CMTM4: variants seen among roughly 807,000 people sequenced by gnomAD.
CMTM4 encodes CKLF-like MARVEL transmembrane domain-containing protein 4.
A neutral mutation model predicts 19.0 loss-of-function variants in CMTM4; 8 were observed. That is an observed-to-expected ratio of 0.42 (90% CI 0.25 to 0.76). The LOEUF (loss-of-function observed/expected upper bound fraction) is 0.76. Among genes scored for constraint, CMTM4 ranks in the 30% least tolerant of loss-of-function variants. CMTM4 has a pLI of 0.27. For missense variants in CMTM4, 228 were observed against 290.2 expected (o/e 0.79, Z 1.56); for synonymous variants, 106 against 121.1 (o/e 0.88, Z 0.82).
chr16:66,605,047 C>T, the CMTM4 span: 43 of 1,173,902 alleles, frequency 3.7e-5, no homozygotes, highest in Admixed American at 7.6e-4. The surrounding 1 kb of genome is among the most constrained non-coding windows in gnomAD (Gnocchi z 4.6). Flanking sequence ...GGGGCGGCCG[C>T]CGTGCTCCGA....
At chr16:66,609,004 G>A in the CMTM4 span, among the ~76,000 whole-genome samples, 1 of 152,062 alleles carries the variant, frequency 6.6e-6, no homozygotes, top group East Asian at 1.9e-4. The surrounding 1 kb of genome is among the most constrained non-coding windows in gnomAD (Gnocchi z 4.4). Flanking sequence ...TGCACCCTCT[G>A]TGTCCCCATC....
At chr16:66,627,171 A>G (rs2015759272) in intron 2 of CMTM4, among the ~76,000 whole-genome samples, 1 of 152,236 alleles carries the variant, frequency 6.6e-6, no homozygotes, top group African/African-American at 2.4e-5. Flanking sequence ...AAAGTGCTCA[A>G]TAGGGGAGTT....
intron 1 of CMTM4, among the ~76,000 whole-genome samples, chr16:66,670,530 G>A (rs185691763): frequency 8.6e-5 from 13 of 151,394 alleles, no homozygotes; most frequent in Non-Finnish European, 1.6e-4. Context: ...AGCCAGGCAC[G>A]ATGGCTCACG....
At chr16:66,662,542 C>G (rs1689575877) in intron 1 of CMTM4, among the ~76,000 whole-genome samples, 1 of 151,978 alleles carries the variant, frequency 6.6e-6, no homozygotes, top group African/African-American at 2.4e-5. Flanking sequence ...GATTTCAGAC[C>G]CCAGACAACC....
intron 1 of CMTM4, among the ~76,000 whole-genome samples, chr16:66,662,930 C>G (rs1317070566): frequency 2.0e-5 from 3 of 152,158 alleles, no homozygotes; most frequent in Non-Finnish European, 2.9e-5. Flanking sequence ...GTATCTGACC[C>G]TAAACAGTGC....
downstream of CMTM4, chr16:66,613,042 T>C (rs1185294725): frequency 5.7e-6 from 4 of 702,832 alleles, no homozygotes; most frequent in Non-Finnish European, 1.0e-5. Context: ...ACAGAAACCA[T>C]GACAGGGCTG....
chr16:66,688,467 A>G (rs567878056), intron 1 of CMTM4, among the ~76,000 whole-genome samples: 103 of 151,932 alleles, frequency 6.8e-4, no homozygotes, highest in Non-Finnish European at 1.2e-3. Flanking sequence ...GTAGCTTGCC[A>G]AAAGTCTCAT....
chr16:66,636,396 T>G lies in CMTM4; in HGVS notation c.363+9A>C, dbSNP rs1318738869. ...TCCTTTCATGGCCAGAGTGGCCGCT[T>G]GTACTCACTGTCAGATTCCAGTTGA... On this transcript the variant is annotated intron_variant, in intron 2 of 3. Transcript: ENST00000394106. 24 of 1,612,946 alleles carry G rather than the reference T, an allele frequency of 1.5e-5. No homozygotes were observed. The highest frequency in any genetic ancestry group is 2.2e-5 in the South Asian group (2 of 91,018).
At position 66,617,292 on chromosome 16, in the gene CMTM4, G is replaced by A; in HGVS notation, c.*4766C>T. 6.2e-7 allele frequency: 1 copy of A among 1,614,100 alleles called. No individual in the cohort carries two copies. The highest frequency in any genetic ancestry group is 8.5e-7 in the Non-Finnish European group (1 of 1,179,978). ...CTGAACTTTTCTAGGCAAGTTGCCAGTGATTCAAACTCAGCAGGTTTGTGG... is the reference window on the plus strand; with the variant it reads ...CTGAACTTTTCTAGGCAAGTTGCCAATGATTCAAACTCAGCAGGTTTGTGG... On this transcript the variant is annotated 3_prime_UTR_variant, in exon 4 of 4. Coordinates refer to ENST00000394106, the MANE Select transcript of CMTM4 (RefSeq NM_181521.3).
In CMTM4 at chr16:66,636,494, A is replaced by T; in HGVS notation, c.274T>A (p.Cys92Ser). The T allele has an allele frequency of 1.9e-6, 3 of 1,614,226 alleles. No individual in the cohort carries two copies. Among genetic ancestry groups the T allele is most frequent in the Non-Finnish European group, 2.5e-6 (3 of 1,180,024 alleles). ...EGLYFFEFVS[C>S]SAFVVTGVLL... ...ACGCCAGTCACCACAAACGCACTGC[A>T]GCTCACAAACTCAAAAAAGTAGAGG... The change falls in exon 2 of 4, where the codon TGC becomes AGC. Residue 92 changes from cysteine (C) to serine (S), a missense_variant. Cys to Ser is a moderately radical substitution (Grantham distance 112). Coordinates refer to ENST00000394106, the MANE Select transcript of CMTM4 (RefSeq NM_181521.3).
intron 1 of CMTM4, among the ~76,000 whole-genome samples, chr16:66,652,677 T>C (rs1287040707): frequency 6.6e-6 from 1 of 152,216 alleles, no homozygotes; most frequent in Non-Finnish European, 1.5e-5. Flanking sequence ...CAGGCTCCAA[T>C]TAAAATAGGT....
intron 1 of CMTM4, among the ~76,000 whole-genome samples, chr16:66,679,158 C>A (rs541498387): frequency 6.6e-6 from 1 of 151,882 alleles, no homozygotes; most frequent in Admixed American, 6.6e-5. Flanking sequence ...AAAACAAGTG[C>A]CAATACTCTG....
intron 1 of CMTM4, among the ~76,000 whole-genome samples, chr16:66,638,445 A>G (rs936948291): frequency 2.8e-4 from 43 of 152,264 alleles, no homozygotes; most frequent in Admixed American, 2.7e-3. Flanking sequence ...CACATTAAAG[A>G]CATGGGTCTT....
intron 1 of CMTM4, among the ~76,000 whole-genome samples, chr16:66,693,635 A>G (rs2017177255): frequency 6.6e-6 from 1 of 152,146 alleles, no homozygotes; most frequent in Non-Finnish European, 1.5e-5. Flanking sequence ...TCACCCACAT[A>G]TAACCTCTCA....
downstream of CMTM4, among the ~76,000 whole-genome samples, chr16:66,611,517 G>A (rs1046501035): frequency 6.6e-6 from 1 of 152,158 alleles, no homozygotes; most frequent in Non-Finnish European, 1.5e-5. Flanking sequence ...CCGGAGTGAG[G>A]GACAGAGCTG....
Position 66,618,795 on chromosome 16 carries a change from T to C in CMTM4, c.*3263A>G, listed in dbSNP as rs954384478. ...GAAGCTGTCCCAGAAGCACCCGACA[T>C]AGGGTGGAGGTCAGACACATTCCCT... On this transcript the variant is annotated 3_prime_UTR_variant, in exon 4 of 4. Transcript: ENST00000394106. 73 of 985,312 alleles carry C rather than the reference T, an allele frequency of 7.4e-5. No homozygotes were observed. Among genetic ancestry groups the C allele is most frequent in the African/African-American group, 4.0e-4 (23 of 57,238 alleles). The allele number at this position is 985,312 out of a possible 1,614,324, so 61.0% of individuals were successfully genotyped here. A position where few individuals can be genotyped will look rare whatever the true frequency, so the allele number is the denominator to read the frequency against.
the CMTM4 span, among the ~76,000 whole-genome samples, chr16:66,600,828 C>T: frequency 6.6e-6 from 1 of 152,170 alleles, no homozygotes; most frequent in Non-Finnish European, 1.5e-5. Flanking sequence ...AAATGAATGT[C>T]AAGAAAGGCT....
chr16:66,604,724 C>T, the CMTM4 span: 3 of 1,103,014 alleles, frequency 2.7e-6, no homozygotes, highest in African/African-American at 1.6e-5. Flanking sequence ...GCCCTCCTTC[C>T]GCACAGCCCG....
At chr16:66,688,922 TTTTTG>T (rs2017086353) in intron 1 of CMTM4, among the ~76,000 whole-genome samples, 2 of 152,320 alleles carry the variant, frequency 1.3e-5, no homozygotes, top group Admixed American at 1.3e-4. Flanking sequence ...GATATTGGTT[TTTTTG>T]TTTTAATTTC....
Sources: allele counts gnomAD v4.1 joint callset (sites outside exome capture counted in the v4.1 genomes callset), GRCh38; gene constraint gnomAD v4.1.1; non-coding constraint Gnocchi (gnomAD v3.1); transcripts MANE v1.5; gene names NCBI Gene and HGNC (gene_info 2026-07-23, HGNC 2026-07-21).